MAJIN: variants seen among roughly 807,000 people sequenced by gnomAD.
MAJIN encodes the protein membrane-anchored junction protein.
MAJIN carries 27 observed loss-of-function variants against 30.2 expected under a neutral mutation model. That is an observed-to-expected ratio of 0.89 (90% CI 0.66 to 1.23). The LOEUF (loss-of-function observed/expected upper bound fraction) is 1.23, where lower values mean the gene tolerates loss of function less well. Among genes scored for constraint, MAJIN ranks in the 50% most tolerant of loss-of-function variants. MAJIN has a pLI of 0.00. For missense variants in MAJIN, 253 were observed against 260.3 expected, an observed-to-expected ratio of 0.97 and a Z score of 0.19; for synonymous variants, 78 against 91.6, an observed-to-expected ratio of 0.85 and a Z score of 0.85.
At chr11:64,948,602 C>CATTCATATATATATATATATATAT (rs1179607088) in intron 6 of MAJIN, among the ~76,000 whole-genome samples, 4 of 19,418 alleles carry the variant, frequency 2.1e-4, no homozygotes, top group Non-Finnish European at 2.5e-4. Flanking sequence ...CGGGCTACAT[C>CATTCATATATATATATATATATAT]ATATATATAT....
At chr11:64,939,793 G>C (rs750266853) in intron 9 of MAJIN, 26 bp from the exon 10 acceptor site, 2 of 1,607,492 alleles carry the variant, frequency 1.2e-6, no homozygotes, top group African/African-American at 1.3e-5. Context: ...TCAGGCAGGA[G>C]CAAGATGTTT....
intron 1 of MAJIN, among the ~76,000 whole-genome samples, chr11:64,966,334 A>G (rs1056819345): frequency 2.6e-5 from 4 of 151,856 alleles, no homozygotes; most frequent in African/African-American, 9.7e-5. Flanking sequence ...CAGGAGTTCA[A>G]GACCAGCCTG....
chr11:64,944,434 T>C (rs1305029391), intron 8 of MAJIN, among the ~76,000 whole-genome samples: 1 of 152,172 alleles, frequency 6.6e-6, no homozygotes, highest in Admixed American at 6.6e-5. Context: ...TGGCACATAG[T>C]AGACACTCAA....
intron 1 of MAJIN, among the ~76,000 whole-genome samples, chr11:64,969,847 T>C (rs1188904065): frequency 6.6e-6 from 1 of 152,116 alleles, no homozygotes; most frequent in Admixed American, 6.6e-5. Context: ...GGGAGAGCGA[T>C]GACTCCTGGT....
chr11:64,940,525 G>A (rs1386213669), intron 9 of MAJIN, 49 bp downstream of exon 9: 1 of 1,564,320 alleles, frequency 6.4e-7, no homozygotes, highest in African/African-American at 1.4e-5. Context: ...AACTACAAGG[G>A]AAAGGGTGAT....
chr11:64,947,770 C>A lies in MAJIN; in HGVS notation c.381+18G>T. 1 of 1,610,838 alleles carries A rather than the reference C, an allele frequency of 6.2e-7. No individual in the cohort carries two copies. The highest frequency in any genetic ancestry group is 8.5e-7 in the Non-Finnish European group (1 of 1,177,984). ...TGATAAAGGCAATTTTCATTTTGTA[C>A]AGAAAAGGCAAACTTACCAACCCAA... is the stretch of plus-strand genomic sequence containing the variant. On this transcript the variant is annotated intron_variant, in intron 7 of 10. Coordinates refer to ENST00000301896, the MANE Select transcript of MAJIN (RefSeq NM_001037225.3).
At chr11:64,947,858 C>CTTTT (rs35160886) in intron 6 of MAJIN, 39 bp from the exon 7 acceptor site, 55 of 1,216,252 alleles carry the variant, frequency 4.5e-5, no homozygotes, top group East Asian at 1.8e-4. Flanking sequence ...AGATTTAAGA[C>CTTTT]TTTTTTTTTT....
At chr11:64,961,906 A>G (rs1945733253) in intron 1 of MAJIN, among the ~76,000 whole-genome samples, 1 of 151,330 alleles carries the variant, frequency 6.6e-6, no homozygotes, top group Admixed American at 6.6e-5. Context: ...CTCCCACCTT[A>G]GCCTCCAGAG....
In MAJIN at chr11:64,954,819, C is replaced by A; in HGVS notation, c.102-17G>T. ...TCTTCTCCTCTAGAAGGTAAACAGACAAGAGACAAGTAAGACATGAAGGAA... is the reference window on the plus strand; with the variant it reads ...TCTTCTCCTCTAGAAGGTAAACAGAAAAGAGACAAGTAAGACATGAAGGAA... On this transcript the variant is annotated splice_polypyrimidine_tract_variant and intron_variant, in intron 3 of 10. Transcript: ENST00000301896. The A allele has an allele frequency of 1.3e-6, 2 of 1,597,710 alleles. No homozygotes were observed. Among genetic ancestry groups the A allele is most frequent in the South Asian group, 2.3e-5 (2 of 88,190 alleles).
At chr11:64,968,750 C>T (rs1242045277) in intron 1 of MAJIN, among the ~76,000 whole-genome samples, 3 of 151,282 alleles carry the variant, frequency 2.0e-5, no homozygotes, top group South Asian at 4.2e-4. Context: ...GAGAATGGCA[C>T]GAACCCAGGA....
intron 2 of MAJIN, 104 bp from the exon 3 acceptor site, chr11:64,959,526 C>T: frequency 1.2e-6 from 1 of 823,866 alleles, no homozygotes; most frequent in Non-Finnish European, 1.9e-6. Context: ...AGTAAAATGT[C>T]CAACACTAAG....
At chr11:64,970,948 G>A (rs659122) in intron 1 of MAJIN, among the ~76,000 whole-genome samples, 70,596 of 152,046 alleles carry the variant, frequency 0.46, 18,801 homozygotes, top group Non-Finnish European at 0.62. Context: ...GGGGTTGGAG[G>A]GTGGGTATAG....
At chr11:64,946,873 A>G (rs1945460278) in intron 8 of MAJIN, among the ~76,000 whole-genome samples, 1 of 152,180 alleles carries the variant, frequency 6.6e-6, no homozygotes, top group Non-Finnish European at 1.5e-5. Context: ...ATTCCCCCTA[A>G]TATCACAGCA....
chr11:64,953,534 T>G (rs1945586537), intron 4 of MAJIN, among the ~76,000 whole-genome samples: 3 of 152,202 alleles, frequency 2.0e-5, no homozygotes, highest in African/African-American at 7.2e-5. Context: ...GGCTCACACC[T>G]GTAATCCCAA....
intron 3 of MAJIN, among the ~76,000 whole-genome samples, chr11:64,956,705 G>C (rs1945638138): frequency 6.8e-6 from 1 of 146,050 alleles, no homozygotes; most frequent in East Asian, 2.0e-4. Flanking sequence ...TATCCACAAT[G>C]ATCTGAGAGG....
At chr11:64,957,261 G>T (rs1401405744) in intron 3 of MAJIN, among the ~76,000 whole-genome samples, 1 of 151,346 alleles carries the variant, frequency 6.6e-6, no homozygotes, top group African/African-American at 2.4e-5. Flanking sequence ...TTTATTTTTT[G>T]TAGAGATGGG....
chr11:64,971,118 A>C (rs546757574), intron 1 of MAJIN, among the ~76,000 whole-genome samples: 1 of 151,948 alleles, frequency 6.6e-6, no homozygotes, highest in Non-Finnish European at 1.5e-5. Context: ...AACATGGTGA[A>C]ACCGTCTCTA....
At chr11:64,948,931 G>C (rs1945505916) in intron 6 of MAJIN, among the ~76,000 whole-genome samples, 1 of 149,092 alleles carries the variant, frequency 6.7e-6, no homozygotes, top group South Asian at 2.2e-4. Flanking sequence ...TGGGATTACA[G>C]GCATAAGCCA....
chr11:64,951,126 A>G (rs1945544795), intron 4 of MAJIN, among the ~76,000 whole-genome samples: 1 of 152,190 alleles, frequency 6.6e-6, no homozygotes, highest in African/African-American at 2.4e-5. Flanking sequence ...TGGGAGATCT[A>G]CTTGAAGTAG....
Sources: allele counts gnomAD v4.1 joint callset (sites outside exome capture counted in the v4.1 genomes callset), GRCh38; gene constraint gnomAD v4.1.1; transcripts MANE v1.5; gene names NCBI Gene and HGNC (gene_info 2026-07-23, HGNC 2026-07-21).